Variants in ORC5 observed in about 807,000 individuals in gnomAD.
The protein encoded by ORC5 is protein phosphatase 1, regulatory subunit 117.
In ORC5, 39 loss-of-function variants were observed where a neutral mutation model predicts 58.8. The ratio of observed to expected loss-of-function variants is 0.66; its 90% CI spans 0.51 to 0.87. The LOEUF (loss-of-function observed/expected upper bound fraction) is 0.87. ORC5 is among the 40% of genes least tolerant of loss of function. The pLI, the probability that ORC5 is intolerant of heterozygous loss-of-function variation, is 0.00. For missense variants in ORC5, 493 were observed against 506.3 expected (o/e 0.97, Z 0.25); for synonymous variants, 218 against 177.6 (o/e 1.23, Z -1.81).
chr7:104,198,460 C>T (rs1224129061), intron 3 of ORC5, among the ~76,000 whole-genome samples: 1 of 152,102 alleles, frequency 6.6e-6, no homozygotes, highest in Non-Finnish European at 1.5e-5. Flanking sequence ...GCATTTTGCC[C>T]CTGCCCTAGA....
intron 12 of ORC5, among the ~76,000 whole-genome samples, chr7:104,152,511 T>C (rs1798862477): frequency 6.6e-6 from 1 of 152,174 alleles, no homozygotes; most frequent in African/African-American, 2.4e-5. Context: ...TTATCTCCTA[T>C]CTGTTCTTAT....
At chr7:104,178,461 A>C (rs1799367005) in intron 8 of ORC5, among the ~76,000 whole-genome samples, 1 of 151,920 alleles carries the variant, frequency 6.6e-6, no homozygotes, top group Non-Finnish European at 1.5e-5. Flanking sequence ...TGGATATTAG[A>C]CCTTTGCCAG....
At chr7:104,164,234 G>A (rs1216169867) in intron 11 of ORC5, among the ~76,000 whole-genome samples, 1 of 152,096 alleles carries the variant, frequency 6.6e-6, no homozygotes, top group African/African-American at 2.4e-5. Flanking sequence ...GGGCTTAGAT[G>A]AGTCCCTGGT....
intron 12 of ORC5, among the ~76,000 whole-genome samples, chr7:104,141,483 A>G (rs1798672034): frequency 6.6e-6 from 1 of 152,226 alleles, no homozygotes; most frequent in African/African-American, 2.4e-5. Flanking sequence ...TGCTAGCAGT[A>G]GACTTCAGAC....
chr7:104,206,834 C>A (rs531523834), intron 1 of ORC5, among the ~76,000 whole-genome samples: 2 of 152,210 alleles, frequency 1.3e-5, no homozygotes, highest in East Asian at 1.9e-4. Context: ...TGTGTTACAA[C>A]TGCCTACAGT....
At position 104,136,766 on chromosome 7, in the gene ORC5, T is replaced by C. The variant is rs771037580; in HGVS notation, c.1262+15A>G. The C allele has an allele frequency of 2.0e-6, 3 of 1,498,010 alleles. No individual in the cohort carries two copies. The African/African-American group carries it at 4.1e-5, about 21-fold the overall frequency. The allele number at this position is 1,498,010 out of a possible 1,614,324, so 92.8% of individuals were successfully genotyped here. ...TTATATTTAGTATATCATTACATAA[T>C]TCAAGACATTTTACCTTGCAATAGC... On this transcript the variant is annotated intron_variant, in intron 13 of 13. Transcript: ENST00000297431. This position sits in a 1 kb window ranked among gnomAD's most constrained non-coding sequence, Gnocchi z 4.2.
Position 104,126,730 on chromosome 7 carries a change from C to G in ORC5, c.*118G>C, listed in dbSNP as rs1008847170. 2.9e-6 allele frequency: 2 copies of G among 679,578 alleles called. No homozygotes were observed. 42.1% of individuals were successfully genotyped at this position (679,578 alleles called of 1,614,324 possible). On this transcript the variant is annotated 3_prime_UTR_variant, in exon 14 of 14. Transcript: ENST00000297431. ...ATCAGATTCCATGCTGGGCCAGCAC[C>G]TGTTTGGACAAATCCAATAGAGCCA...
intron 10 of ORC5, 108 bp from the exon 11 acceptor site, chr7:104,165,390 A>C: frequency 6.3e-6 from 4 of 636,942 alleles, no homozygotes; most frequent in Non-Finnish European, 1.1e-5. Flanking sequence ...TGTATATCTC[A>C]GGTTTTTAAA....
At chr7:104,183,902 A>G (rs1239594125) in intron 8 of ORC5, 41 bp downstream of exon 8, 2 of 1,255,854 alleles carry the variant, frequency 1.6e-6, no homozygotes, top group Admixed American at 1.9e-5. Context: ...TATCCCAAAT[A>G]AAGATATAAA....
chr7:104,205,167 TCAA>T (rs897145263), intron 1 of ORC5, among the ~76,000 whole-genome samples: 2 of 144,224 alleles, frequency 1.4e-5, no homozygotes, highest in Admixed American at 7.2e-5. Context: ...TCGGCTCACT[TCAA>T]CCTCTGCCTC....
In ORC5 at chr7:104,136,767, T is replaced by A. The variant is rs774254507; in HGVS notation, c.1262+14A>T. On this transcript the variant is annotated intron_variant, in intron 13 of 13. Transcript: ENST00000297431. The surrounding 1 kb of genome is among the most constrained non-coding windows in gnomAD (Gnocchi z 4.2). ...TATATTTAGTATATCATTACATAAT[T>A]CAAGACATTTTACCTTGCAATAGCT... The A allele has an allele frequency of 6.6e-7, 1 of 1,506,310 alleles. No homozygotes were observed. Among genetic ancestry groups the A allele is most frequent in the Non-Finnish European group, 9.2e-7 (1 of 1,082,256 alleles). 93.3% of individuals were successfully genotyped at this position (1,506,310 alleles called of 1,614,324 possible).
At position 104,194,000 on chromosome 7, in the gene ORC5, C is replaced by A. The variant is rs528115078; in HGVS notation, c.553+1143G>T. On this transcript the variant is annotated intron_variant, in intron 5 of 13. Coordinates refer to ENST00000297431, the MANE Select transcript of ORC5 (RefSeq NM_002553.4). ...ACTTGACTGAAATGTGTAATATCAA[C>A]ATTTTTTAATAATTTTCTTAAATTC... 4.0e-5 allele frequency among the ~76,000 whole-genome samples: 6 copies of A among 151,046 alleles called. No homozygotes were observed. In the East Asian group the frequency reaches 9.7e-4, roughly 24 times the overall value.
At chr7:104,204,866 A>C (rs563318815) in intron 1 of ORC5, among the ~76,000 whole-genome samples, 1 of 152,146 alleles carries the variant, frequency 6.6e-6, no homozygotes, top group East Asian at 1.9e-4. Context: ...CAGCTTAGAG[A>C]AAAGTAAATA....
chr7:104,184,183 G>GAA lies in ORC5; in HGVS notation c.685-14_685-13dup. 8.4e-6 allele frequency: 12 copies of GAA among 1,426,980 alleles called. No homozygotes were observed. The highest frequency in any genetic ancestry group is 7.4e-5 in the African/African-American group (5 of 67,392). The allele number at this position is 1,426,980 out of a possible 1,614,324, so 88.4% of individuals were successfully genotyped here. On this transcript the variant is annotated splice_polypyrimidine_tract_variant and intron_variant, in intron 6 of 13. Coordinates refer to ENST00000297431, the MANE Select transcript of ORC5 (RefSeq NM_002553.4). ...AAATTAAGTACTGCCTGTAAGTAAAGAAAAAAAAAGAGAAGAAAAAAAGCA... is the reference window on the plus strand; with the variant it reads ...AAATTAAGTACTGCCTGTAAGTAAAGAAAAAAAAAAAGAGAAGAAAAAAAGCA...
In ORC5 at chr7:104,133,786, C is replaced by T. The variant is rs910736283; in HGVS notation, c.1262+2995G>A. Among the ~76,000 whole-genome samples the T allele has an allele frequency of 6.6e-6, 1 of 151,926 alleles. No homozygotes were observed. Among genetic ancestry groups the T allele is most frequent in the Non-Finnish European group, 1.5e-5 (1 of 67,990 alleles). ...GATAGCCTTTGTTAGTAAAAACAAC[C>T]AAAGAATAAAGAGGAAAACCAGAAT... is the stretch of plus-strand genomic sequence containing the variant. On this transcript the variant is annotated intron_variant, in intron 13 of 13. Coordinates refer to ENST00000297431, the MANE Select transcript of ORC5 (RefSeq NM_002553.4). This position sits in a 1 kb window ranked among gnomAD's most constrained non-coding sequence, Gnocchi z 4.7.
At chr7:104,206,748 A>G (rs956783741) in intron 1 of ORC5, among the ~76,000 whole-genome samples, 1 of 152,212 alleles carries the variant, frequency 6.6e-6, no homozygotes, top group Non-Finnish European at 1.5e-5. Context: ...TACAACAGTG[A>G]TCTCATAAGA....
chr7:104,200,977 A>T lies in ORC5; in HGVS notation c.166-19T>A, dbSNP rs1404291561. 4 of 1,595,044 alleles carry T rather than the reference A, an allele frequency of 2.5e-6. No homozygotes were observed. ...GTGGGAGCTGAAAACGAAAACCAAAACACTGTAAGTAAAGAAGAAAACACA... is the reference window on the plus strand; with the variant it reads ...GTGGGAGCTGAAAACGAAAACCAAATCACTGTAAGTAAAGAAGAAAACACA... On this transcript the variant is annotated intron_variant, in intron 2 of 13. Coordinates refer to ENST00000297431, the MANE Select transcript of ORC5 (RefSeq NM_002553.4).
rs374720752 is a variant in ORC5, at chr7:104,193,387, T to G, written c.553+1756A>C. ...AGAACATAACTTAATCTATCCAAAC[T>G]GACACAATAACTAAACCAAAAACCT... On this transcript the variant is annotated intron_variant, in intron 5 of 13. Coordinates refer to ENST00000297431, the MANE Select transcript of ORC5 (RefSeq NM_002553.4). 5.3e-4 allele frequency among the ~76,000 whole-genome samples: 81 copies of G among 152,078 alleles called. 2 individuals are homozygous for G. The East Asian group carries it at 0.014, about 27-fold the overall frequency.
chr7:104,163,046 A>G (rs933275164), intron 11 of ORC5, among the ~76,000 whole-genome samples: 3 of 152,338 alleles, frequency 2.0e-5, no homozygotes, highest in African/African-American at 7.2e-5. Flanking sequence ...ACAGAATTCC[A>G]TTTTATGACT....
Sources: allele counts gnomAD v4.1 joint callset (sites outside exome capture counted in the v4.1 genomes callset), GRCh38; gene constraint gnomAD v4.1.1; non-coding constraint Gnocchi (gnomAD v3.1); transcripts MANE v1.5; gene names NCBI Gene and HGNC (gene_info 2026-07-23, HGNC 2026-07-21).